ANAPC2: variants seen among roughly 807,000 people sequenced by gnomAD.
The protein encoded by ANAPC2 is anaphase promoting complex subunit 2.
In ANAPC2, 29 loss-of-function variants were observed where a neutral mutation model predicts 84.3. That is an observed-to-expected ratio of 0.34 (90% CI 0.26 to 0.47). The LOEUF (loss-of-function observed/expected upper bound fraction) is 0.47, where lower values mean the gene tolerates loss of function less well. ANAPC2 is among the 20% of genes least tolerant of loss of function. The pLI is 1.00. For missense variants in ANAPC2, 857 were observed against 1,131.7 expected (o/e 0.76, Z 3.48); for synonymous variants, 571 against 479.4 (o/e 1.19, Z -2.50).
chr9:137,174,900 C>T lies in ANAPC2; in HGVS notation c.*42G>A. 2 of 1,322,770 alleles carry T rather than the reference C, an allele frequency of 1.5e-6. No individual in the cohort carries two copies. Among genetic ancestry groups the T allele is most frequent in the Non-Finnish European group, 2.0e-6 (2 of 1,019,642 alleles). 81.9% of individuals were successfully genotyped at this position (1,322,770 alleles called of 1,614,324 possible). ...TGGCACGGGAGGACGAGAGCACCTGCAGGGCAGCGCCTGGCGGGCGGGCGG... is the reference window on the plus strand; with the variant it reads ...TGGCACGGGAGGACGAGAGCACCTGTAGGGCAGCGCCTGGCGGGCGGGCGG... On this transcript the variant is annotated 3_prime_UTR_variant, in exon 13 of 13. Coordinates refer to ENST00000323927, the MANE Select transcript of ANAPC2 (RefSeq NM_013366.4). This position sits in a 1 kb window ranked among gnomAD's most constrained non-coding sequence, Gnocchi z 6.1.
At chr9:137,180,139 A>T (rs1475873424) in intron 10 of ANAPC2, 42 bp downstream of exon 10, 4 of 1,587,970 alleles carry the variant, frequency 2.5e-6, no homozygotes, top group Non-Finnish European at 3.4e-6. Flanking sequence ...AGTGCAGGGT[A>T]GGGGTGCCAA....
rs1206241009 is a variant in ANAPC2, at chr9:137,175,342, C to T, written c.2151G>A (p.Glu717=). 1.2e-6 allele frequency: 2 copies of T among 1,612,558 alleles called. No homozygotes were observed. The highest frequency in any genetic ancestry group is 2.2e-5 in the East Asian group (1 of 44,884). ...TGTCCCGGTCCTGAGGCCGCTCCTC[C>T]TCAATGACAGAGAAGGTGCCGGGGG... ...EEPPGTFSVI[E]EERPQDRDNM... Residue 717 remains glutamate, a synonymous_variant, in exon 12 of 13, where the codon GAG becomes GAA. Coordinates refer to ENST00000323927, the MANE Select transcript of ANAPC2 (RefSeq NM_013366.4).
At chr9:137,186,799 G>C (rs1483791023) in intron 2 of ANAPC2, 2 of 172,904 alleles carry the variant, frequency 1.2e-5, no homozygotes, top group Non-Finnish European at 2.5e-5. Flanking sequence ...AGAGGAGGAT[G>C]AGAAAAGTTG....
chr9:137,175,209 TG>T, intron 12 of ANAPC2, 27 bp downstream of exon 12: 1 of 1,597,344 alleles, frequency 6.3e-7, no homozygotes. Flanking sequence ...CCCCGCCCCC[TG>T]GCCCCCCGTG....
intron 4 of ANAPC2, 56 bp downstream of exon 4, chr9:137,184,857 G>A: frequency 2.5e-6 from 4 of 1,588,268 alleles, no homozygotes; most frequent in Non-Finnish European, 3.4e-6. Context: ...CACGGGGAAG[G>A]CCCTGGGAAG....
Position 137,187,860 on chromosome 9 carries a change from G to A in ANAPC2, c.361C>T (p.Arg121Cys). ...LLDAFGLLES[R>C]LDPYLRSLEL... ...AGGCTACGCAGGTAGGGATCCAGGCGGCTCTCCAGCAGGCCAAAAGCGTCA... is the reference window on the plus strand; with the variant it reads ...AGGCTACGCAGGTAGGGATCCAGGCAGCTCTCCAGCAGGCCAAAAGCGTCA... The change falls in exon 2 of 13, where the codon CGC becomes TGC. Residue 121 changes from arginine (R) to cysteine (C), a missense_variant. Transcript: ENST00000323927. 6.2e-7 allele frequency: 1 copy of A among 1,613,602 alleles called. No homozygotes were observed. The highest frequency in any genetic ancestry group is 1.3e-5 in the African/African-American group (1 of 75,048).
In ANAPC2 at chr9:137,187,996, G is replaced by A; in HGVS notation, c.225C>T (p.Phe75=). The change falls in exon 2 of 13, where the codon TTC becomes TTT. Residue 75 remains phenylalanine (F), a synonymous_variant. Transcript: ENST00000323927. ...GCAGATCGTTCTGCAGCACCTCCAC[G>A]AACCACTCCTCCAGGACCGAGTGTA... The part of the protein sequence containing the change: ...HGLHSVLEEW[F]VEVLQNDLQA... The A allele has an allele frequency of 6.2e-7, 1 of 1,613,820 alleles. No homozygotes were observed. The highest frequency in any genetic ancestry group is 8.5e-7 in the Non-Finnish European group (1 of 1,180,034).
Position 137,184,941 on chromosome 9 carries a change from G to A in ANAPC2, c.1020C>T (p.Arg340=). 1 of 1,612,738 alleles carries A rather than the reference G, an allele frequency of 6.2e-7. No individual in the cohort carries two copies. The highest frequency in any genetic ancestry group is 2.2e-5 in the East Asian group (1 of 44,860). The stretch of plus-strand genomic sequence containing the variant: ...GGACGATGCTGAAGAGCTCCTCGAT[G>A]CGCAGGCTGGCGTAGATGCGGTAGA... ...RFFYRIYASL[R]IEELFSIVRD... is the part of the protein sequence containing the mutation. Residue 340 remains arginine (R), a synonymous_variant, in exon 4 of 13, where the codon CGC becomes CGT. Transcript: ENST00000323927.
chr9:137,185,006 T>G lies in ANAPC2; in HGVS notation c.955A>C (p.Asn319His). Residue 319 changes from asparagine (N) to histidine (H), a missense_variant, in exon 4 of 13, where the codon AAC becomes CAC. By Grantham distance (68) the Asn-to-His change is moderately conservative. Coordinates refer to ENST00000323927, the MANE Select transcript of ANAPC2 (RefSeq NM_013366.4). ...PARPASPEAGNTLRRWRCHVQ... is the reference protein window; with the variant it reads ...PARPASPEAGHTLRRWRCHVQ... ...TGGCAGCGCCAGCGGCGCAGGGTGTTGCCGGCCTCGGGAGATGCGGGCCTG... is the reference window on the plus strand; with the variant it reads ...TGGCAGCGCCAGCGGCGCAGGGTGTGGCCGGCCTCGGGAGATGCGGGCCTG... 1 of 1,607,446 alleles carries G rather than the reference T, an allele frequency of 6.2e-7. No individual in the cohort carries two copies. The highest frequency in any genetic ancestry group is 2.2e-5 in the East Asian group (1 of 44,688).
chr9:137,179,759 TGG>T (rs1834300813), intron 10 of ANAPC2, among the ~76,000 whole-genome samples: 1 of 152,202 alleles, frequency 6.6e-6, no homozygotes, highest in African/African-American at 2.4e-5. Context: ...AGTGCTGCCC[TGG>T]GCAGAGGGCA....
At position 137,180,911 on chromosome 9, in the gene ANAPC2, C is replaced by T. The variant is rs768895745; in HGVS notation, c.1487G>A (p.Arg496Gln). ...DADPGKSSSK[R>Q]RSSDIISLLV... is the part of the protein sequence containing the mutation. ...CAGGCTGATGATGTCCGATGAACGC[C>T]GCTTGGAGCTCGACTTCCCTGGCAT... The change falls in exon 8 of 13, where the codon CGG becomes CAG. Residue 496 changes from arginine to glutamine, a missense_variant. Transcript: ENST00000323927. 7 of 1,613,404 alleles carry T rather than the reference C, an allele frequency of 4.3e-6. No homozygotes were observed. The highest frequency in any genetic ancestry group is 3.3e-5 in the Admixed American group (2 of 60,020).
chr9:137,183,327 T>C, intron 5 of ANAPC2, 85 bp from the exon 6 acceptor site: 4 of 1,157,912 alleles, frequency 3.5e-6, no homozygotes, highest in Non-Finnish European at 5.1e-6. Flanking sequence ...CAGCTGGCCA[T>C]GCCGGTAGGT....
In ANAPC2 at chr9:137,180,835, C is replaced by T. The variant is rs774718940; in HGVS notation, c.1563G>A (p.Ser521=). ...GGTGCAGCAGGCGGTCGGCCAGCAG[C>T]GAGCGGTACTCATTGATGAAGAGGT... ...SKDLFINEYR[S]LLADRLLHQF... is the part of the protein sequence containing the mutation. The change falls in exon 8 of 13, where the codon TCG becomes TCA. Residue 521 remains serine (S), a synonymous_variant. Coordinates refer to ENST00000323927, the MANE Select transcript of ANAPC2 (RefSeq NM_013366.4). 5.6e-6 allele frequency: 9 copies of T among 1,612,740 alleles called. No individual in the cohort carries two copies. The highest frequency in any genetic ancestry group is 1.3e-5 in the African/African-American group (1 of 74,950).
Position 137,183,796 on chromosome 9 carries a change from A to G in ANAPC2, c.1049-5T>C. 3.1e-6 allele frequency: 5 copies of G among 1,612,182 alleles called. No individual in the cohort carries two copies. Among genetic ancestry groups the G allele is most frequent in the Non-Finnish European group, 3.4e-6 (4 of 1,179,088 alleles). The stretch of plus-strand genomic sequence containing the variant: ...CTGGCCGGGAGTCTGGGAAGTCTAC[A>G]AGAAGAAGAACATCCCTCAGGGACA... On this transcript the variant is annotated splice_polypyrimidine_tract_variant and splice_region_variant and intron_variant, in intron 4 of 12. Coordinates refer to ENST00000323927, the MANE Select transcript of ANAPC2 (RefSeq NM_013366.4).
intron 7 of ANAPC2, 130 bp downstream of exon 7, chr9:137,181,551 C>A (rs1328661214): frequency 2.4e-5 from 25 of 1,060,628 alleles, no homozygotes; most frequent in Non-Finnish European, 3.2e-5. Context: ...ACCTTTGACA[C>A]CCTCAAGCCT....
intron 8 of ANAPC2, 28 bp from the exon 9 acceptor site, chr9:137,180,555 G>A: frequency 6.2e-7 from 1 of 1,611,858 alleles, no homozygotes; most frequent in Middle Eastern, 1.7e-4. Context: ...TGGGCAGGGG[G>A]TCGTGATGAG....
Position 137,175,352 on chromosome 9 carries a change from G to C in ANAPC2, c.2141C>G (p.Ser714Cys), listed in dbSNP as rs1483641325. Residue 714 changes from serine (S) to cysteine (C), a missense_variant, in exon 12 of 13, where the codon TCT (serine) becomes TGT (cysteine). By Grantham distance (112) the Ser-to-Cys change is moderately radical. Transcript: ENST00000323927. ...VLREEPPGTF[S>C]VIEEERPQDR... is the part of the protein sequence containing the mutation. Reference sequence around the variant, plus strand: ...CTGAGGCCGCTCCTCCTCAATGACAGAGAAGGTGCCGGGGGGCTCCTCACG... The same window carrying C: ...CTGAGGCCGCTCCTCCTCAATGACACAGAAGGTGCCGGGGGGCTCCTCACG... 6.2e-7 allele frequency: 1 copy of C among 1,612,252 alleles called. No individual in the cohort carries two copies. Among genetic ancestry groups the C allele is most frequent in the East Asian group, 2.2e-5 (1 of 44,880 alleles).
chr9:137,182,731 C>A (rs1401011806), intron 6 of ANAPC2, among the ~76,000 whole-genome samples: 1 of 152,194 alleles, frequency 6.6e-6, no homozygotes, highest in Non-Finnish European at 1.5e-5. Flanking sequence ...CACCGAACAG[C>A]CCCAGGAGTG....
chr9:137,175,651 T>A, intron 11 of ANAPC2, 57 bp downstream of exon 11: 1 of 1,569,450 alleles, frequency 6.4e-7, no homozygotes, highest in Non-Finnish European at 8.7e-7. Flanking sequence ...GAACAGCCCC[T>A]CACCCACAGC....
Sources: gnomAD v4.1 joint callset for allele counts (sites outside exome capture counted in the v4.1 genomes callset) on GRCh38, gnomAD v4.1.1 for gene constraint, Gnocchi (gnomAD v3.1) non-coding constraint, MANE v1.5 for transcripts, NCBI Gene and HGNC (gene_info 2026-07-23, HGNC 2026-07-21) for gene names.